NAALADL2: variants seen among roughly 807,000 people sequenced by gnomAD.
NAALADL2 encodes inactive N-acetylated-alpha-linked acidic dipeptidase-like protein 2.
NAALADL2 carries 76 observed loss-of-function variants against 87.2 expected under a neutral mutation model. That is an observed-to-expected ratio of 0.87 (90% confidence interval 0.72 to 1.05). The LOEUF is 1.05. Ranked by LOEUF, NAALADL2 falls within the 50% of genes least tolerant of loss-of-function variation. The pLI is 0.00. For synonymous variants in NAALADL2, 354 were observed against 331.0 expected, an observed-to-expected ratio of 1.07 and a Z score of -0.75; for missense variants, 1,089 against 945.8, an observed-to-expected ratio of 1.15 and a Z score of -1.99.
chr3:175,772,808 G>A (rs185063941), intron 13 of NAALADL2, among the ~76,000 whole-genome samples: 1 of 152,074 alleles, frequency 6.6e-6, no homozygotes, highest in Non-Finnish European at 1.5e-5. Flanking sequence ...GATCCTTCCC[G>A]CTGTTGTAAC....
At chr3:175,033,734 C>T (rs1012455609) in intron 1 of NAALADL2, among the ~76,000 whole-genome samples, 15 of 152,108 alleles carry the variant, frequency 9.9e-5, no homozygotes, top group African/African-American at 3.4e-4. Context: ...ATATCACAAG[C>T]TCAATGCTTG....
intron 3 of NAALADL2, among the ~76,000 whole-genome samples, chr3:174,824,900 A>AT (rs564486812): frequency 6.6e-6 from 1 of 152,184 alleles, no homozygotes; most frequent in Admixed American, 6.5e-5. Context: ...AATTTTATAC[A>AT]TTTTTTGGAG....
At chr3:175,731,997 T>G (rs1390498923) in intron 11 of NAALADL2, among the ~76,000 whole-genome samples, 1 of 152,202 alleles carries the variant, frequency 6.6e-6, no homozygotes, top group Non-Finnish European at 1.5e-5. Context: ...ATAAATAATT[T>G]ATTTTTATAT....
intron 1 of NAALADL2, among the ~76,000 whole-genome samples, chr3:174,934,253 G>A (rs1737337228): frequency 6.6e-6 from 1 of 152,092 alleles, no homozygotes; most frequent in African/African-American, 2.4e-5. Context: ...TTGGGAATTT[G>A]TTTTTTAAAA....
intron 1 of NAALADL2, among the ~76,000 whole-genome samples, chr3:175,096,049 C>G (rs1264671744): frequency 2.0e-5 from 3 of 152,168 alleles, no homozygotes; most frequent in African/African-American, 7.2e-5. Flanking sequence ...CCTAGGCTGG[C>G]AAAAGGCTTT....
At chr3:175,750,001 C>T (rs1282034377) in intron 12 of NAALADL2, among the ~76,000 whole-genome samples, 2 of 152,160 alleles carry the variant, frequency 1.3e-5, no homozygotes, top group Non-Finnish European at 2.9e-5. Flanking sequence ...CTCCACAAAG[C>T]TCCATATATT....
At chr3:174,542,015 C>T (rs1722284574) in intron 1 of NAALADL2, among the ~76,000 whole-genome samples, 1 of 152,132 alleles carries the variant, frequency 6.6e-6, no homozygotes, top group East Asian at 1.9e-4. Flanking sequence ...TGTTGGCCAA[C>T]AATAATTATA....
chr3:174,723,755 CAAAAAAAAAAAAA>C (rs10663395), intron 2 of NAALADL2, among the ~76,000 whole-genome samples: 4 of 27,554 alleles, frequency 1.5e-4, no homozygotes, highest in African/African-American at 3.9e-4. Flanking sequence ...GACTCCGTCT[CAAAAAAAAAAAAA>C]AAAAAAAAAA....
chr3:175,366,884 T>C (rs921299098), intron 5 of NAALADL2, among the ~76,000 whole-genome samples: 2 of 151,874 alleles, frequency 1.3e-5, no homozygotes, highest in African/African-American at 4.9e-5. Context: ...TTTGTCAATT[T>C]TGTCTTTTGT....
At chr3:175,287,183 T>G (rs909320604) in intron 4 of NAALADL2, among the ~76,000 whole-genome samples, 1 of 152,200 alleles carries the variant, frequency 6.6e-6, no homozygotes, top group Non-Finnish European at 1.5e-5. Context: ...GTGTTAACTA[T>G]TTCCCCATGA....
chr3:175,024,457 A>G (rs907125296), intron 1 of NAALADL2, among the ~76,000 whole-genome samples: 12 of 152,122 alleles, frequency 7.9e-5, no homozygotes, highest in Non-Finnish European at 2.9e-5. Context: ...CTGAAATAGG[A>G]GATACCTGCT....
chr3:175,663,104 T>C (rs1732481814), intron 11 of NAALADL2, among the ~76,000 whole-genome samples: 1 of 151,952 alleles, frequency 6.6e-6, no homozygotes, highest in African/African-American at 2.4e-5. Flanking sequence ...TTTAAATGTT[T>C]GGTAGAATTC....
intron 11 of NAALADL2, among the ~76,000 whole-genome samples, chr3:175,688,902 T>C (rs1488514193): frequency 6.6e-6 from 1 of 152,176 alleles, no homozygotes; most frequent in Non-Finnish European, 1.5e-5. Context: ...GAGTCCTGGA[T>C]TGCAGTTTCC....
chr3:174,450,044 CACAT>C (rs1249725173), intron 1 of NAALADL2, among the ~76,000 whole-genome samples: 6 of 151,724 alleles, frequency 4.0e-5, no homozygotes, highest in South Asian at 2.1e-4. Context: ...CACACACACA[CACAT>C]ATAGTTTCTT....
chr3:174,674,754 C>A (rs537533270), intron 2 of NAALADL2, among the ~76,000 whole-genome samples: 3 of 152,082 alleles, frequency 2.0e-5, no homozygotes, highest in African/African-American at 7.2e-5. Context: ...TCCCTTCACT[C>A]TTTGTATGTT....
Position 174,659,486 on chromosome 3 carries a change from C to T in NAALADL2, c.-114-78155C>T, listed in dbSNP as rs557630388. ...GGGGCAATAGCAGACTCATTTTTAT[C>T]TTCCCAGATCCACCTAAATGGTTAT... is the stretch of plus-strand genomic sequence containing the variant. On this transcript the variant is annotated intron_variant, in intron 2 of 3. Transcript: ENST00000434257. Among the ~76,000 whole-genome samples the T allele has an allele frequency of 1.4e-4, 21 of 152,288 alleles. No individual in the cohort carries two copies. In the South Asian group the frequency reaches 4.1e-3, roughly 30 times the overall value.
chr3:175,669,529 T>C (rs1733651462), intron 11 of NAALADL2, among the ~76,000 whole-genome samples: 1 of 152,082 alleles, frequency 6.6e-6, no homozygotes, highest in African/African-American at 2.4e-5. Context: ...ACCTGGTATA[T>C]AAAATATTCA....
At chr3:174,657,105 C>T (rs1395349354) in intron 2 of NAALADL2, among the ~76,000 whole-genome samples, 1 of 138,950 alleles carries the variant, frequency 7.2e-6, no homozygotes, top group Non-Finnish European at 1.5e-5. Flanking sequence ...TCTTTGCTCA[C>T]TACAACCTCT....
chr3:175,205,274 A>C (rs983142114), intron 2 of NAALADL2, among the ~76,000 whole-genome samples: 3 of 152,188 alleles, frequency 2.0e-5, no homozygotes, highest in African/African-American at 7.2e-5. Context: ...CCAATGGAAC[A>C]GAATAGGAAA....
Sources: allele counts gnomAD v4.1 joint callset (sites outside exome capture counted in the v4.1 genomes callset), GRCh38; gene constraint gnomAD v4.1.1; transcripts MANE v1.5; gene names NCBI Gene and HGNC (gene_info 2026-07-23, HGNC 2026-07-21).